The following FNDC3A variants were observed in gnomAD, a reference collection of about 807,000 sequenced individuals.
FNDC3A encodes the protein fibronectin type III domain containing 3A.
A neutral mutation model predicts 148.9 loss-of-function variants in FNDC3A; 32 were observed. The observed-to-expected ratio is 0.21, with a 90% CI of 0.16 to 0.29. FNDC3A has a LOEUF of 0.29. Among genes scored for constraint, FNDC3A ranks in the 10% least tolerant of loss-of-function variants. The pLI, the probability that FNDC3A is intolerant of heterozygous loss-of-function variation, is 1.00. For missense variants in FNDC3A, 1,191 were observed against 1,452.8 expected (o/e 0.82, Z 2.93); for synonymous variants, 472 against 473.6 (o/e 1.00, Z 0.04).
At chr13:49,068,583 G>A (rs1323693115) in intron 2 of FNDC3A, among the ~76,000 whole-genome samples, 1 of 152,002 alleles carries the variant, frequency 6.6e-6, no homozygotes, top group Admixed American at 6.6e-5. Flanking sequence ...GTTCTGTTAT[G>A]TCATGAAGAT....
intron 2 of FNDC3A, among the ~76,000 whole-genome samples, chr13:49,021,905 A>T (rs1165892329): frequency 6.6e-6 from 1 of 152,196 alleles, no homozygotes; most frequent in Admixed American, 6.5e-5. Context: ...TTATATTGAT[A>T]TCTAAACTTT....
chr13:49,092,892 A>G (rs192221570), intron 3 of FNDC3A, among the ~76,000 whole-genome samples: 98 of 152,202 alleles, frequency 6.4e-4, no homozygotes, highest in African/African-American at 2.0e-3. Context: ...TCCATCTTTA[A>G]TAATGTAATT....
Position 49,201,880 on chromosome 13 carries a change from T to C in FNDC3A, c.3068T>C (p.Ile1023Thr). 6.3e-7 allele frequency: 1 copy of C among 1,595,664 alleles called. No homozygotes were observed. Among genetic ancestry groups the C allele is most frequent in the South Asian group, 1.1e-5 (1 of 88,982 alleles). ...GAGTCAACATCCTATAAATTCTGTA[T>C]TCAAGCTTGTAATGAAGCTGGGGAA... Reference protein sequence around the residue: ...LNESTSYKFCIQACNEAGEGP... With the variant: ...LNESTSYKFCTQACNEAGEGP... Residue 1023 changes from isoleucine (I) to threonine (T), a missense_variant, in exon 24 of 26, where the codon ATT becomes ACT. Physicochemically the swap from Ile to Thr is moderately conservative, Grantham distance 89. Around this residue, in one of 3 missense-constraint regions of FNDC3A, gnomAD observed 751 missense variants for 944.0 expected, o/e 0.80. Coordinates refer to ENST00000492622, the MANE Select transcript of FNDC3A (RefSeq NM_001079673.2).
chr13:49,140,092 G>A (rs867019940), intron 7 of FNDC3A, among the ~76,000 whole-genome samples: 2 of 152,096 alleles, frequency 1.3e-5, no homozygotes, highest in South Asian at 4.1e-4. Flanking sequence ...CAGTCCTTTG[G>A]AAAACCAAGA....
intron 19 of FNDC3A, among the ~76,000 whole-genome samples, chr13:49,191,755 G>GT (rs1885899364): frequency 1.3e-5 from 2 of 152,018 alleles, no homozygotes; most frequent in Admixed American, 1.3e-4. Context: ...GCTGATTGAA[G>GT]TTTTTTGAGG....
At chr13:49,187,853 T>G (rs1460302429) in intron 16 of FNDC3A, among the ~76,000 whole-genome samples, 1 of 152,058 alleles carries the variant, frequency 6.6e-6, no homozygotes, top group African/African-American at 2.4e-5. Flanking sequence ...AATGTAAGAG[T>G]GCTGAACAAC....
chr13:49,181,859 T>C (rs1885321103), intron 14 of FNDC3A, among the ~76,000 whole-genome samples: 1 of 152,186 alleles, frequency 6.6e-6, no homozygotes, highest in Non-Finnish European at 1.5e-5. Context: ...TGACCAAGTT[T>C]ACCAAATACT....
intron 2 of FNDC3A, among the ~76,000 whole-genome samples, chr13:49,015,166 T>G (rs1952467785): frequency 6.6e-6 from 1 of 152,194 alleles, no homozygotes; most frequent in South Asian, 2.1e-4. Context: ...GGGGATGGCA[T>G]TGAATCTGTA....
intron 2 of FNDC3A, among the ~76,000 whole-genome samples, chr13:49,025,944 T>G (rs985164704): frequency 6.6e-6 from 1 of 152,186 alleles, no homozygotes; most frequent in Non-Finnish European, 1.5e-5. Flanking sequence ...TTACAGAAAA[T>G]CTTATATATA....
chr13:49,016,768 T>A (rs1566193210), intron 2 of FNDC3A, among the ~76,000 whole-genome samples: 1 of 152,186 alleles, frequency 6.6e-6, no homozygotes, highest in Non-Finnish European at 1.5e-5. Flanking sequence ...TACACACTGC[T>A]TTGAATGCGT....
chr13:49,109,880 TC>T (rs1201005086), intron 3 of FNDC3A, among the ~76,000 whole-genome samples: 5 of 152,202 alleles, frequency 3.3e-5, no homozygotes, highest in African/African-American at 1.2e-4. Context: ...TTGTGGATAT[TC>T]CTTAAGGATT....
intron 2 of FNDC3A, among the ~76,000 whole-genome samples, chr13:49,016,595 A>G (rs1305068120): frequency 1.3e-5 from 2 of 151,684 alleles, no homozygotes; most frequent in East Asian, 1.9e-4. Flanking sequence ...GTGTGTCTCT[A>G]TTTCCTTCAG....
chr13:49,071,263 T>C (rs1250916385), intron 2 of FNDC3A, among the ~76,000 whole-genome samples: 2 of 152,112 alleles, frequency 1.3e-5, no homozygotes, highest in Admixed American at 6.6e-5. Flanking sequence ...ACATTTTCTT[T>C]ATCCATTCAT....
At chr13:49,057,567 G>A (rs1172482761) in intron 2 of FNDC3A, among the ~76,000 whole-genome samples, 1 of 151,868 alleles carries the variant, frequency 6.6e-6, no homozygotes, top group African/African-American at 2.4e-5. Context: ...TGTTTTGTGG[G>A]GATGATTTTT....
intron 2 of FNDC3A, among the ~76,000 whole-genome samples, chr13:49,013,134 A>G (rs1593468787): frequency 6.6e-6 from 1 of 152,136 alleles, no homozygotes; most frequent in East Asian, 1.9e-4. Context: ...TGTGCAACAT[A>G]TAGTAAGACT....
At chr13:49,066,014 C>T (rs1265499677) in intron 2 of FNDC3A, among the ~76,000 whole-genome samples, 2 of 152,120 alleles carry the variant, frequency 1.3e-5, no homozygotes, top group Non-Finnish European at 1.5e-5. Flanking sequence ...TATTCTCCTA[C>T]TCAACAAAGA....
At chr13:49,120,278 A>G (rs1411446857) in intron 4 of FNDC3A, among the ~76,000 whole-genome samples, 2 of 152,228 alleles carry the variant, frequency 1.3e-5, no homozygotes, top group East Asian at 3.9e-4. Context: ...TCCTTTACAG[A>G]CAAGCAAATG....
intron 3 of FNDC3A, among the ~76,000 whole-genome samples, chr13:49,106,655 G>A (rs369363064): frequency 2.7e-5 from 4 of 150,780 alleles, no homozygotes; most frequent in East Asian, 3.9e-4. Context: ...AATATACTTC[G>A]TGATTTACTT....
intron 7 of FNDC3A, 114 bp downstream of exon 7, chr13:49,138,919 GTA>G (rs1217782366): frequency 5.8e-6 from 3 of 514,590 alleles, no homozygotes; most frequent in Non-Finnish European, 1.0e-5. Flanking sequence ...GGATCATACT[GTA>G]TTCTGTGACA....
Sources: gnomAD v4.1 joint callset for allele counts (sites outside exome capture counted in the v4.1 genomes callset) on GRCh38, gnomAD v4.1.1 for gene constraint, gnomAD v4.1.1 regional missense constraint, MANE v1.5 for transcripts, NCBI Gene and HGNC (gene_info 2026-07-23, HGNC 2026-07-21) for gene names.